CDH11: variants seen among roughly 807,000 people sequenced by gnomAD.
CDH11 encodes the protein cadherin-11.
In CDH11, 11 loss-of-function variants were observed where a neutral mutation model predicts 67.8. The observed-to-expected ratio is 0.16, with a 90% CI of 0.10 to 0.27. CDH11 has a LOEUF of 0.27. Among genes scored for constraint, CDH11 ranks in the 10% least tolerant of loss-of-function variants. CDH11 has a pLI of 1.00. For missense variants in CDH11, 847 were observed against 1,031.2 expected (o/e 0.82, Z 2.45); for synonymous variants, 419 against 400.0 (o/e 1.05, Z -0.57).
rs554735650 is a variant in CDH11 at position 65,043,439 on chromosome 16, C to A, written c.-173+10365G>T. ...CATAAAGAGAAGATGTGTGATGCAG[C>A]CCAGCAACAGCCTCAGACCACCCTG... On this transcript the variant is annotated intron_variant, in intron 2 of 12. Transcript: ENST00000268603. Among the ~76,000 whole-genome samples, 105 of 152,224 alleles carry A rather than the reference C, an allele frequency of 6.9e-4. No homozygotes were observed. In the Middle Eastern group the frequency reaches 0.014, roughly 20 times the overall value.
At chr16:65,090,594 A>G (rs926610561) in intron 1 of CDH11, among the ~76,000 whole-genome samples, 1 of 152,166 alleles carries the variant, frequency 6.6e-6, no homozygotes, top group Admixed American at 6.6e-5. Context: ...TTTACTTACA[A>G]CAGTTCTTCC....
intron 11 of CDH11, chr16:64,968,255 G>C (rs1285242120): frequency 4.9e-6 from 1 of 203,410 alleles, no homozygotes; most frequent in Admixed American, 6.5e-5. Flanking sequence ...CTATGCGACT[G>C]TTTGAAGAAT....
chr16:65,066,291 A>G (rs1443166169), intron 1 of CDH11, among the ~76,000 whole-genome samples: 1 of 152,102 alleles, frequency 6.6e-6, no homozygotes, highest in African/African-American at 2.4e-5. Flanking sequence ...TCCCAACTAC[A>G]CACACGCACA....
At chr16:65,097,273 G>A (rs1012210022) in intron 1 of CDH11, among the ~76,000 whole-genome samples, 1 of 152,202 alleles carries the variant, frequency 6.6e-6, no homozygotes, top group Non-Finnish European at 1.5e-5. Context: ...TTCCCAACTG[G>A]GTCATGCTGG....
At chr16:64,988,069 C>T in intron 7 of CDH11, 88 bp downstream of exon 7, 6 of 1,097,810 alleles carry the variant, frequency 5.5e-6, no homozygotes, top group South Asian at 1.8e-5. Context: ...ATTCTCATTT[C>T]TTAACCGTCG....
intron 11 of CDH11, among the ~76,000 whole-genome samples, chr16:64,961,629 T>A (rs1045096071): frequency 1.3e-5 from 2 of 152,174 alleles, no homozygotes; most frequent in Admixed American, 6.5e-5. Flanking sequence ...AAAATTGTTC[T>A]CCCTTTAGAG....
chr16:65,055,569 C>T (rs2074128286), intron 1 of CDH11, among the ~76,000 whole-genome samples: 1 of 152,246 alleles, frequency 6.6e-6, no homozygotes, highest in South Asian at 2.1e-4. Context: ...CAGCTGCAGA[C>T]AAATGTTGCC....
intron 6 of CDH11, 42 bp downstream of exon 6, chr16:64,991,725 CT>C: frequency 6.7e-7 from 1 of 1,483,686 alleles, no homozygotes; most frequent in Non-Finnish European, 9.4e-7. Context: ...AGAGAGCTGG[CT>C]GTGTCACCAT....
intron 11 of CDH11, 115 bp downstream of exon 11, chr16:64,971,461 TTTC>T (rs2072003361): frequency 1.6e-6 from 1 of 641,402 alleles, no homozygotes; most frequent in Non-Finnish European, 2.7e-6. Flanking sequence ...TTATTTCCGG[TTTC>T]TTCTTCAACA....
intron 1 of CDH11, among the ~76,000 whole-genome samples, chr16:65,089,070 T>A (rs2142824885): frequency 6.6e-6 from 1 of 152,322 alleles, no homozygotes; most frequent in African/African-American, 2.4e-5. Flanking sequence ...CTTGTTTAGT[T>A]GAGGTCATCT....
chr16:65,114,549 G>A (rs147893357), intron 1 of CDH11, among the ~76,000 whole-genome samples: 1 of 152,090 alleles, frequency 6.6e-6, no homozygotes, highest in Non-Finnish European at 1.5e-5. Context: ...ATGAGGTACC[G>A]AGTAGAGCGT....
At chr16:65,013,835 A>AG (rs2073234249) in intron 2 of CDH11, among the ~76,000 whole-genome samples, 1 of 152,228 alleles carries the variant, frequency 6.6e-6, no homozygotes, top group Admixed American at 6.5e-5. Context: ...TCAAAAAAAA[A>AG]AAGAAAGAAA....
chr16:64,949,414 CT>C lies in CDH11; in HGVS notation c.1895-1316del, dbSNP rs1215886893. 5.1e-3 allele frequency among the ~76,000 whole-genome samples: 679 copies of C among 133,430 alleles called. 5 individuals are homozygous for C. Among genetic ancestry groups the C allele is most frequent in the African/African-American group, 0.017 (616 of 35,830 alleles). 87.5% of individuals were successfully genotyped at this position (133,430 alleles called of 152,430 possible). A position where few individuals can be genotyped will look rare whatever the true frequency, so the allele number is the denominator to read the frequency against. ...GACCTTCCCAGGCAATGTTAGGTGC[CT>C]TTTTTTTTTCTTTTTTTTTTTTTTT... On this transcript the variant is annotated intron_variant, in intron 12 of 12. Coordinates refer to ENST00000268603, the MANE Select transcript of CDH11 (RefSeq NM_001797.4).
upstream of CDH11, among the ~76,000 whole-genome samples, chr16:65,122,542 G>A (rs2075353028): frequency 6.6e-6 from 1 of 152,168 alleles, no homozygotes; most frequent in Non-Finnish European, 1.5e-5. Context: ...TATCGTCCAA[G>A]TGAGGGAAGC....
intron 1 of CDH11, among the ~76,000 whole-genome samples, chr16:65,064,014 A>G (rs1156406463): frequency 6.6e-6 from 1 of 152,222 alleles, no homozygotes; most frequent in Non-Finnish European, 1.5e-5. Flanking sequence ...ACCCAATACC[A>G]TGATGTGGCC....
intron 11 of CDH11, among the ~76,000 whole-genome samples, chr16:64,966,027 C>T (rs2071816692): frequency 6.6e-6 from 1 of 151,888 alleles, no homozygotes. Context: ...AGTACAGTGG[C>T]AGTGGTATGC....
intron 11 of CDH11, among the ~76,000 whole-genome samples, chr16:64,952,066 G>T (rs1397377260): frequency 1.3e-5 from 2 of 152,138 alleles, no homozygotes; most frequent in Non-Finnish European, 2.9e-5. Flanking sequence ...CAAGAATTCA[G>T]TTCTGTCCCC....
chr16:65,110,624 ATGTGTGTGTGTGTGTG>A (rs57316241), intron 1 of CDH11, among the ~76,000 whole-genome samples: 92 of 135,918 alleles, frequency 6.8e-4, no homozygotes, highest in East Asian at 2.0e-3. Flanking sequence ...ATGGCCAATG[ATGTGTGTGTGTGTGTG>A]TGTGTGTGTG....
chr16:65,051,206 C>A (rs954608657), intron 2 of CDH11, among the ~76,000 whole-genome samples: 6 of 152,094 alleles, frequency 3.9e-5, no homozygotes, highest in Non-Finnish European at 5.9e-5. Flanking sequence ...AAACATTGAC[C>A]AGACAATGAG....
Sources: allele counts gnomAD v4.1 joint callset (sites outside exome capture counted in the v4.1 genomes callset), GRCh38; gene constraint gnomAD v4.1.1; transcripts MANE v1.5; gene names NCBI Gene and HGNC (gene_info 2026-07-23, HGNC 2026-07-21).